Variants in HPSE2 observed in about 807,000 individuals in gnomAD.
HPSE2 encodes heparanase 2 (inactive).
A neutral mutation model predicts 60.5 loss-of-function variants in HPSE2; 38 were observed. The observed-to-expected ratio is 0.63, with a 90% confidence interval of 0.48 to 0.82. The LOEUF (loss-of-function observed/expected upper bound fraction) is 0.82, where lower values mean the gene tolerates loss of function less well. HPSE2 is among the 40% of genes least tolerant of loss of function. The pLI is 0.00. For synonymous variants in HPSE2, 295 were observed against 293.2 expected (o/e 1.01, Z -0.06); for missense variants, 713 against 740.4 (o/e 0.96, Z 0.43).
In HPSE2 at chr10:98,468,595, T is replaced by C. The variant is rs192545907; in HGVS notation, c.1614-8856A>G. 2.0e-5 allele frequency among the ~76,000 whole-genome samples: 3 copies of C among 152,144 alleles called. No homozygotes were observed. The East Asian group carries it at 5.8e-4, about 30-fold the overall frequency. ...TTTAGCGTCCCTCTCAGGCTTATTT[T>C]ATCTGTGTGCTTGGGTCATTTTGTC... On this transcript the variant is annotated intron_variant, in intron 11 of 11. Coordinates refer to ENST00000370552, the MANE Select transcript of HPSE2 (RefSeq NM_021828.5).
chr10:98,573,119 G>C lies in HPSE2; in HGVS notation c.1320+41785C>G, dbSNP rs546594424. On this transcript the variant is annotated intron_variant, in intron 9 of 11. Coordinates refer to ENST00000370552, the MANE Select transcript of HPSE2 (RefSeq NM_021828.5). ...AACTTTATTTTCCTCAATTGTAAAA[G>C]GAGATGATACCTATCTCATAGTGGC... 3.3e-5 allele frequency among the ~76,000 whole-genome samples: 5 copies of C among 152,312 alleles called. No homozygotes were observed. The South Asian group carries it at 1.0e-3, about 32-fold the overall frequency.
At chr10:98,961,128 A>C (rs1352643912) in intron 3 of HPSE2, among the ~76,000 whole-genome samples, 3 of 21,332 alleles carry the variant, frequency 1.4e-4, no homozygotes, top group Admixed American at 4.8e-4. Flanking sequence ...CATTTTCTTA[A>C]TCCAGTCTAT....
chr10:98,748,815 G>C (rs11189796), intron 3 of HPSE2, among the ~76,000 whole-genome samples: 63,928 of 151,736 alleles, frequency 0.42, 15,030 homozygotes, highest in South Asian at 0.56. Flanking sequence ...AAATAAGAGA[G>C]TTGCAAGGAG....
At chr10:99,166,975 CTTTCTT>C (rs954122746) in intron 2 of HPSE2, among the ~76,000 whole-genome samples, 1 of 151,280 alleles carries the variant, frequency 6.6e-6, no homozygotes, top group African/African-American at 2.4e-5. Context: ...ATGGATCATA[CTTTCTT>C]TTTTTCTTTT....
At chr10:99,113,064 G>GTATCTGAGACATGAGCTTA (rs1227887037) in intron 3 of HPSE2, among the ~76,000 whole-genome samples, 5 of 152,118 alleles carry the variant, frequency 3.3e-5, no homozygotes, top group Non-Finnish European at 5.9e-5. Flanking sequence ...CATTGTGATT[G>GTATCTGAGACATGAGCTTA]TATCTGAGAC....
chr10:99,247,784 T>C, the HPSE2 span, among the ~76,000 whole-genome samples: 1 of 152,156 alleles, frequency 6.6e-6, no homozygotes, highest in African/African-American at 2.4e-5. Context: ...TGAGAGGTGA[T>C]TGGACCATGG....
intron 3 of HPSE2, among the ~76,000 whole-genome samples, chr10:98,810,864 T>A (rs1430548514): frequency 1.3e-5 from 2 of 152,140 alleles, no homozygotes; most frequent in African/African-American, 4.8e-5. Context: ...CTGGGCCACA[T>A]GCAGCCCGTG....
At chr10:98,542,207 C>T (rs999459812) in intron 9 of HPSE2, among the ~76,000 whole-genome samples, 2 of 152,174 alleles carry the variant, frequency 1.3e-5, no homozygotes, top group African/African-American at 2.4e-5. Flanking sequence ...TGCTGATACC[C>T]GGGCAAACAG....
Position 99,047,883 on chromosome 10 carries a change from A to C in HPSE2, c.610+96355T>G. 3 of 766,136 alleles carry C rather than the reference A, an allele frequency of 3.9e-6. No homozygotes were observed. In the Admixed American group the frequency reaches 5.1e-5, roughly 13 times the overall value. 47.5% of individuals were successfully genotyped at this position (766,136 alleles called of 1,614,324 possible). ...ATGGCAAGAAAAGCTGGCAACTTTA[A>C]TGTACCTTCAGAACCCAAACTGGCG... On this transcript the variant is annotated intron_variant, in intron 3 of 11. Coordinates refer to ENST00000370552, the MANE Select transcript of HPSE2 (RefSeq NM_021828.5).
chr10:98,621,000 C>T (rs1482264288), intron 7 of HPSE2, among the ~76,000 whole-genome samples: 2 of 152,124 alleles, frequency 1.3e-5, no homozygotes, highest in African/African-American at 4.8e-5. Flanking sequence ...GACTGCAGTA[C>T]TTTCCACTAA....
chr10:98,940,322 T>C (rs1210496498), intron 3 of HPSE2, among the ~76,000 whole-genome samples: 1 of 143,044 alleles, frequency 7.0e-6, no homozygotes, highest in Middle Eastern at 3.3e-3. Context: ...TCAACAAAAT[T>C]GACAGACTGC....
intron 6 of HPSE2, among the ~76,000 whole-genome samples, chr10:98,652,996 A>G (rs1467831242): frequency 6.6e-6 from 1 of 152,206 alleles, no homozygotes; most frequent in Non-Finnish European, 1.5e-5. Flanking sequence ...AGGATGGCTA[A>G]TAACTAATTG....
At chr10:99,047,300 T>C (rs1233717482) in intron 3 of HPSE2, among the ~76,000 whole-genome samples, 1 of 152,100 alleles carries the variant, frequency 6.6e-6, no homozygotes, top group Non-Finnish European at 1.5e-5. Context: ...CCCTTACCTT[T>C]CACCATATAC....
At chr10:99,142,126 A>C (rs558806462) in intron 3 of HPSE2, among the ~76,000 whole-genome samples, 2 of 152,176 alleles carry the variant, frequency 1.3e-5, no homozygotes, top group Admixed American at 1.3e-4. Flanking sequence ...GAAATCCTGG[A>C]CTATGTGTTC....
chr10:99,146,856 A>T (rs1309046046), intron 2 of HPSE2, among the ~76,000 whole-genome samples: 1 of 152,156 alleles, frequency 6.6e-6, no homozygotes, highest in African/African-American at 2.4e-5. Context: ...GTGAGACTCC[A>T]TCAAAAAAAA....
intron 5 of HPSE2, among the ~76,000 whole-genome samples, chr10:98,720,805 G>A (rs1948903362): frequency 1.3e-5 from 2 of 152,152 alleles, no homozygotes; most frequent in South Asian, 4.1e-4. Flanking sequence ...ATGACAATAT[G>A]AGAACTATGT....
intron 5 of HPSE2, among the ~76,000 whole-genome samples, chr10:98,709,760 T>A (rs578135090): frequency 5.3e-5 from 8 of 152,232 alleles, no homozygotes; most frequent in Non-Finnish European, 1.2e-4. Context: ...TCTGAAATAT[T>A]GTTGAGCCTT....
At chr10:98,931,283 G>A (rs1415504243) in intron 3 of HPSE2, among the ~76,000 whole-genome samples, 1 of 143,176 alleles carries the variant, frequency 7.0e-6, no homozygotes, top group Admixed American at 6.9e-5. Context: ...AGCTGTAGAT[G>A]GGCAGTTTTA....
chr10:98,623,456 C>T (rs950062513), intron 7 of HPSE2, among the ~76,000 whole-genome samples: 1 of 152,164 alleles, frequency 6.6e-6, no homozygotes, highest in Admixed American at 6.5e-5. Context: ...TTAAAAACCA[C>T]TGAATTTCAT....
Sources: gnomAD v4.1 joint callset for allele counts (sites outside exome capture counted in the v4.1 genomes callset) on GRCh38, gnomAD v4.1.1 for gene constraint, MANE v1.5 for transcripts, NCBI Gene and HGNC (gene_info 2026-07-23, HGNC 2026-07-21) for gene names.